TUT4: variants seen among roughly 807,000 people sequenced by gnomAD.
The protein encoded by TUT4 is terminal uridylyltransferase 4.
In TUT4, 36 loss-of-function variants were observed where a neutral mutation model predicts 192.2. That is an observed-to-expected ratio of 0.19 (90% CI 0.14 to 0.25). The LOEUF (loss-of-function observed/expected upper bound fraction) is 0.25, where lower values mean the gene tolerates loss of function less well. Among genes scored for constraint, TUT4 ranks in the 10% least tolerant of loss-of-function variants. TUT4 has a pLI of 1.00. For missense variants in TUT4, 1,493 were observed against 1,957.2 expected (o/e 0.76, Z 4.47); for synonymous variants, 618 against 666.0 (o/e 0.93, Z 1.11).
At chr1:52,487,606 G>T (rs997749804) in intron 9 of TUT4, among the ~76,000 whole-genome samples, 26 of 151,970 alleles carry the variant, frequency 1.7e-4, no homozygotes, top group Admixed American at 6.6e-4. Context: ...TCTTCCATGG[G>T]TTAAAAATCT....
intron 3 of TUT4, among the ~76,000 whole-genome samples, chr1:52,512,864 C>A (rs1677569664): frequency 6.6e-6 from 1 of 151,492 alleles, no homozygotes. Flanking sequence ...ATTAGATAAT[C>A]TATGGAAACA....
intron 11 of TUT4, among the ~76,000 whole-genome samples, chr1:52,478,913 C>G (rs1280437760): frequency 6.6e-6 from 1 of 152,092 alleles, no homozygotes; most frequent in Admixed American, 6.6e-5. Context: ...ATCTTGCCTT[C>G]ATGGATCTTA....
rs1397907421 is a variant in TUT4, at chr1:52,431,298, T to C, written c.4426A>G (p.Asn1476Asp). The part of the protein sequence containing the change: ...PPHQVQMPLY[N>D]FPQSPPAQYS... The stretch of plus-strand genomic sequence containing the variant: ...TGAGCTGGTGGTGACTGGGGAAAGT[T>C]ATACAGTGGCATCTGGACCTGATGG... The change falls in exon 28 of 30, where the codon AAC becomes GAC. Residue 1476 changes from asparagine (N) to aspartate (D), a missense_variant. Physicochemically the swap from Asn to Asp is conservative, Grantham distance 23. This residue lies in a region of TUT4 where 351 missense variants were observed against 397.8 expected (regional missense o/e 0.88). Coordinates refer to ENST00000257177, the MANE Select transcript of TUT4 (RefSeq NM_001009881.3). 6.2e-7 allele frequency: 1 copy of C among 1,614,086 alleles called. No individual in the cohort carries two copies. The highest frequency in any genetic ancestry group is 8.5e-7 in the Non-Finnish European group (1 of 1,180,024).
At chr1:52,533,973 G>A (rs1365000437) in intron 1 of TUT4, among the ~76,000 whole-genome samples, 1 of 152,078 alleles carries the variant, frequency 6.6e-6, no homozygotes, top group Non-Finnish European at 1.5e-5. Context: ...CTCAAAAAAA[G>A]GAAGAAAACA....
intron 3 of TUT4, among the ~76,000 whole-genome samples, chr1:52,514,567 A>G (rs1444515606): frequency 1.3e-5 from 2 of 152,010 alleles, no homozygotes; most frequent in Non-Finnish European, 2.9e-5. Flanking sequence ...ACTTCTTGAT[A>G]TTCCTTTCTC....
upstream of TUT4, chr1:52,553,371 T>A (rs1689969173): frequency 6.9e-6 from 1 of 145,720 alleles, no homozygotes; most frequent in African/African-American, 2.6e-5. Context: ...GGGGGAGGGG[T>A]CTCGTGGTGG....
intron 28 of TUT4, among the ~76,000 whole-genome samples, chr1:52,429,598 A>G (rs751424818): frequency 2.1e-4 from 31 of 148,956 alleles, no homozygotes; most frequent in Non-Finnish European, 3.9e-4. Context: ...TTATTTATTT[A>G]TTTATTTTTT....
intron 1 of TUT4, among the ~76,000 whole-genome samples, chr1:52,548,981 A>G (rs544497834): frequency 6.6e-6 from 1 of 152,338 alleles, no homozygotes; most frequent in Admixed American, 6.5e-5. Context: ...GATCTCCCCC[A>G]GAGGTGTTTT....
Position 52,423,710 on chromosome 1 carries a change from C to G in TUT4, c.*225G>C. ...GGTGATACTAGTAAAAACTATAGTT[C>G]ATATTTATATACAAATAATACAGTC... On this transcript the variant is annotated 3_prime_UTR_variant, in exon 30 of 30. Coordinates refer to ENST00000257177, the MANE Select transcript of TUT4 (RefSeq NM_001009881.3). 9.7e-7 allele frequency: 1 copy of G among 1,027,578 alleles called. No individual in the cohort carries two copies. The highest frequency in any genetic ancestry group is 2.7e-5 in the Admixed American group (1 of 36,684). 63.7% of individuals were successfully genotyped at this position (1,027,578 alleles called of 1,614,324 possible).
intron 4 of TUT4, among the ~76,000 whole-genome samples, chr1:52,508,888 A>C (rs889232667): frequency 6.6e-6 from 1 of 152,222 alleles, no homozygotes; most frequent in African/African-American, 2.4e-5. Flanking sequence ...TAACTGAAAA[A>C]TTACAAATTC....
At chr1:52,488,655 T>C (rs1052884649) in intron 9 of TUT4, among the ~76,000 whole-genome samples, 1 of 152,212 alleles carries the variant, frequency 6.6e-6, no homozygotes, top group Non-Finnish European at 1.5e-5. Context: ...AACATTTCTA[T>C]AGTACATAAA....
At chr1:52,527,438 C>T (rs1352516139) in intron 1 of TUT4, among the ~76,000 whole-genome samples, 4 of 151,792 alleles carry the variant, frequency 2.6e-5, no homozygotes, top group Admixed American at 1.3e-4. Context: ...CCCAGCTACT[C>T]GGGAGGCTGA....
rs542029453 is a variant in TUT4 at position 52,437,933 on chromosome 1, C to T, written c.3938+287G>A. On this transcript the variant is annotated intron_variant, in intron 25 of 29. Transcript: ENST00000257177. Reference sequence around the variant, plus strand: ...TCACACCATTGCACTCCAGCCTGGGCGACAGGGCGAGATGCCGTCTCAAAA... The same window carrying T: ...TCACACCATTGCACTCCAGCCTGGGTGACAGGGCGAGATGCCGTCTCAAAA... 1.2e-4 allele frequency among the ~76,000 whole-genome samples: 18 copies of T among 151,592 alleles called. No individual in the cohort carries two copies. In the East Asian group the frequency reaches 2.7e-3, roughly 23 times the overall value.
At chr1:52,493,112 T>C (rs759122944) in intron 7 of TUT4, among the ~76,000 whole-genome samples, 3 of 152,168 alleles carry the variant, frequency 2.0e-5, no homozygotes, top group Non-Finnish European at 4.4e-5. Context: ...AGACGGAGTT[T>C]CACTTTTGCC....
At chr1:52,461,373 A>G in intron 18 of TUT4, 140 bp downstream of exon 18, 4 of 1,096,738 alleles carry the variant, frequency 3.6e-6, no homozygotes, top group Non-Finnish European at 5.1e-6. Context: ...ACTGACCTTC[A>G]ATCTGAAGGA....
intron 8 of TUT4, 56 bp from the exon 9 acceptor site, chr1:52,489,091 C>T (rs1392081188): frequency 4.0e-6 from 6 of 1,490,812 alleles, no homozygotes; most frequent in Non-Finnish European, 5.4e-6. Context: ...AAGCAGAATA[C>T]TTCAAATCCT....
intron 27 of TUT4, chr1:52,434,541 A>AAGAGC (rs1653140984): frequency 6.6e-6 from 1 of 152,206 alleles, no homozygotes; most frequent in Non-Finnish European, 1.5e-5. Context: ...AAACAATATT[A>AAGAGC]AACTTATGAG....
chr1:52,497,022 T>C lies in TUT4; in HGVS notation c.1161A>G (p.Ile387Met), dbSNP rs2149154814. The change falls in exon 5 of 30, where the codon ATA becomes ATG. Residue 387 changes from isoleucine (I) to methionine (M), a missense_variant. By Grantham distance (10) the Ile-to-Met change is conservative (BLOSUM62 1). Coordinates refer to ENST00000257177, the MANE Select transcript of TUT4 (RefSeq NM_001009881.3). Reference protein sequence around the residue: ...QEIVEEMSKVITTFLPECSLR... With the variant: ...QEIVEEMSKVMTTFLPECSLR... ...TATTTCTACCTGGTAAAAATGTCGT[T>C]ATAACCTTTGACATTTCCTCCACAA... 6.2e-7 allele frequency: 1 copy of C among 1,613,094 alleles called. No homozygotes were observed. Among genetic ancestry groups the C allele is most frequent in the Non-Finnish European group, 8.5e-7 (1 of 1,179,764 alleles).
At chr1:52,482,243 T>C (rs1668655959) in intron 9 of TUT4, among the ~76,000 whole-genome samples, 1 of 152,218 alleles carries the variant, frequency 6.6e-6, no homozygotes, top group East Asian at 1.9e-4. Flanking sequence ...CAACCTTCTA[T>C]GTCTTCTTCT....
Sources: allele counts gnomAD v4.1 joint callset (sites outside exome capture counted in the v4.1 genomes callset), GRCh38; gene constraint gnomAD v4.1.1; regional missense constraint gnomAD v4.1.1; transcripts MANE v1.5; gene names NCBI Gene and HGNC (gene_info 2026-07-23, HGNC 2026-07-21).